The following EDARADD variants were observed in gnomAD, a reference collection of about 807,000 sequenced individuals.
EDARADD encodes the protein EDAR associated via death domain, also known as ectodysplasin-A receptor-associated adapter protein.
In EDARADD, 20 loss-of-function variants were observed where a neutral mutation model predicts 25.6. The observed-to-expected ratio is 0.78, with a 90% CI of 0.55 to 1.14. The LOEUF is 1.14. EDARADD is among the 50% of genes most tolerant of loss of function. The probability of loss-of-function intolerance (pLI) is 0.00; values close to 1 mark genes in which losing one functional copy is unlikely to be tolerated. For missense variants in EDARADD, 225 were observed against 270.1 expected, an observed-to-expected ratio of 0.83 and a Z score of 1.17; for synonymous variants, 86 against 94.4, an observed-to-expected ratio of 0.91 and a Z score of 0.52.
chr1:236,436,832 T>A (rs1658268063), intron 4 of EDARADD, among the ~76,000 whole-genome samples: 1 of 152,104 alleles, frequency 6.6e-6, no homozygotes, highest in Non-Finnish European at 1.5e-5. Context: ...GGAGCAGAGT[T>A]ATTAGGGGGC....
rs1415805260 is a variant in EDARADD, at chr1:236,445,231, A to ATTATTTTTTTTTTTTTTTTTTT, written c.219+17783_219+17784insATTTTTTTTTTTTTTTTTTTTT. 1.1e-4 allele frequency among the ~76,000 whole-genome samples: 5 copies of ATTATTTTTTTTTTTTTTTTTTT among 47,316 alleles called. 2 individuals carry two copies. Among genetic ancestry groups the ATTATTTTTTTTTTTTTTTTTTT allele is most frequent in the Non-Finnish European group, 2.7e-4 (4 of 14,690 alleles). The allele number at this position is 47,316 out of a possible 152,430, so 31.0% of individuals were successfully genotyped here. On this transcript the variant is annotated intron_variant, in intron 4 of 5. Coordinates refer to ENST00000334232, the MANE Select transcript of EDARADD (RefSeq NM_145861.4). ...TATTGCATTAGCTGGGACATAATAA[A>ATTATTTTTTTTTTTTTTTTTTT]TTCTTTTTTTTTTTGAGACAGAGTC... is the stretch of plus-strand genomic sequence containing the variant.
chr1:236,350,380 C>A (rs948368534), intron 2 of EDARADD, among the ~76,000 whole-genome samples: 1 of 152,136 alleles, frequency 6.6e-6, no homozygotes, highest in Non-Finnish European at 1.5e-5. Flanking sequence ...AAGATTAAAA[C>A]AAAAAATCAG....
intron 4 of EDARADD, among the ~76,000 whole-genome samples, chr1:236,442,824 A>G (rs651727): frequency 6.6e-6 from 1 of 152,152 alleles, no homozygotes. Flanking sequence ...TGTTGTTTTC[A>G]TGCCTGCTAA....
chr1:236,355,336 C>A lies in EDARADD; in HGVS notation c.-6+4497C>A, dbSNP rs184541655. Among the ~76,000 whole-genome samples the A allele has an allele frequency of 1.5e-3, 221 of 152,020 alleles. 1 individual carries two copies. The highest frequency in any genetic ancestry group is 5.1e-3 in the African/African-American group (213 of 41,484). On this transcript the variant is annotated intron_variant, in intron 3 of 7. Transcript: ENST00000439430. The stretch of plus-strand genomic sequence containing the variant: ...ACTTCTTTTTCTGTCACTCTTTTAT[C>A]CTAGATTAAGACATGTTCAAACCAT...
chr1:236,472,768 G>A (rs546896169), intron 5 of EDARADD, among the ~76,000 whole-genome samples: 1 of 152,298 alleles, frequency 6.6e-6, no homozygotes, highest in South Asian at 2.1e-4. Flanking sequence ...CCTTGTGAGA[G>A]AGGTGTCATT....
At chr1:236,454,714 G>A (rs1658808982) in intron 4 of EDARADD, among the ~76,000 whole-genome samples, 1 of 152,178 alleles carries the variant, frequency 6.6e-6, no homozygotes, top group East Asian at 1.9e-4. Context: ...TTGGCCCGGG[G>A]CCTGGCCCAG....
At chr1:236,357,750 A>G (rs1419088820) in intron 3 of EDARADD, among the ~76,000 whole-genome samples, 1 of 151,920 alleles carries the variant, frequency 6.6e-6, no homozygotes, top group Non-Finnish European at 1.5e-5. Context: ...GATCTGCCCC[A>G]GTGACCTAAA....
At chr1:236,423,094 C>G (rs1657822772) in intron 3 of EDARADD, among the ~76,000 whole-genome samples, 1 of 152,174 alleles carries the variant, frequency 6.6e-6, no homozygotes, top group Admixed American at 6.5e-5. Flanking sequence ...GAGGAGGTTG[C>G]TGAAGCTCCA....
At chr1:236,367,773 A>G (rs1016408644) in intron 3 of EDARADD, among the ~76,000 whole-genome samples, 3 of 152,190 alleles carry the variant, frequency 2.0e-5, no homozygotes, top group Non-Finnish European at 4.4e-5. Context: ...TATACATTTC[A>G]TAACTGACTC....
intron 3 of EDARADD, among the ~76,000 whole-genome samples, chr1:236,377,794 G>C (rs910392984): frequency 4.0e-5 from 6 of 151,772 alleles, no homozygotes; most frequent in Admixed American, 2.0e-4. Context: ...GGAGGCAGAG[G>C]TTGCAGTGAG....
Position 236,395,542 on chromosome 1 carries a change from C to T in EDARADD, c.61+1037C>T. On this transcript the variant is annotated intron_variant, in intron 1 of 5. Coordinates refer to ENST00000334232, the MANE Select transcript of EDARADD (RefSeq NM_145861.4). This position sits in a 1 kb window ranked among gnomAD's most constrained non-coding sequence, Gnocchi z 6.9. ...CTCCAGGCGCGTCGGAACCGCAGGACTTTTCATCCCCGTGGTCCCACGGTC... is the reference window on the plus strand; with the variant it reads ...CTCCAGGCGCGTCGGAACCGCAGGATTTTTCATCCCCGTGGTCCCACGGTC... 1 of 1,538,254 alleles carries T rather than the reference C, an allele frequency of 6.5e-7. No homozygotes were observed. Among genetic ancestry groups the T allele is most frequent in the Non-Finnish European group, 8.7e-7 (1 of 1,145,892 alleles).
chr1:236,464,128 C>T (rs1443288478), intron 4 of EDARADD, among the ~76,000 whole-genome samples: 2 of 152,210 alleles, frequency 1.3e-5, no homozygotes, highest in African/African-American at 4.8e-5. Context: ...CATGGCCTCA[C>T]TGCCCACCTG....
chr1:236,423,931 C>A (rs2103014684), intron 3 of EDARADD, among the ~76,000 whole-genome samples: 1 of 152,030 alleles, frequency 6.6e-6, no homozygotes, highest in South Asian at 2.1e-4. Context: ...CATGGTGAAA[C>A]CCTGTCTCTA....
At chr1:236,432,506 G>C (rs1048373827) in intron 4 of EDARADD, among the ~76,000 whole-genome samples, 5 of 152,148 alleles carry the variant, frequency 3.3e-5, no homozygotes, top group African/African-American at 1.2e-4. Context: ...CTAAGTTGGA[G>C]TTAGAAGTTA....
chr1:236,454,640 T>A (rs1005323463), intron 4 of EDARADD, among the ~76,000 whole-genome samples: 3 of 152,150 alleles, frequency 2.0e-5, no homozygotes, highest in Admixed American at 6.6e-5. Context: ...ACCTTAGAAA[T>A]CACATTGTTC....
Position 236,483,299 on chromosome 1 carries a change from G to T in EDARADD, c.*650G>T. ...GTGGTGCTTCAACTGGTATCTATGA[G>T]GTCCTAGAGCTCCAGGACAATGATA... is the stretch of plus-strand genomic sequence containing the variant. On this transcript the variant is annotated 3_prime_UTR_variant, in exon 6 of 6. Coordinates refer to ENST00000334232, the MANE Select transcript of EDARADD (RefSeq NM_145861.4). The T allele has an allele frequency of 1.2e-6, 2 of 1,600,116 alleles. No individual in the cohort carries two copies. Among genetic ancestry groups the T allele is most frequent in the Non-Finnish European group, 1.7e-6 (2 of 1,169,904 alleles).
At chr1:236,447,935 A>G (rs1243308408) in intron 4 of EDARADD, among the ~76,000 whole-genome samples, 1 of 151,922 alleles carries the variant, frequency 6.6e-6, no homozygotes, top group East Asian at 1.9e-4. Flanking sequence ...TCCCAGGTTC[A>G]AGTGATTCTC....
intron 3 of EDARADD, among the ~76,000 whole-genome samples, chr1:236,379,501 A>G (rs73121295): frequency 0.11 from 16,738 of 150,844 alleles, 1,529 homozygotes; most frequent in East Asian, 0.31. Context: ...GGTCAGGGCC[A>G]GGTGCAATGG....
At chr1:236,414,469 A>G (rs74231681) in intron 3 of EDARADD, among the ~76,000 whole-genome samples, 170 bp downstream of exon 3, 1 of 144,582 alleles carries the variant, frequency 6.9e-6, no homozygotes, top group African/African-American at 2.6e-5. Flanking sequence ...TTTCTTTTTT[A>G]AATAGTATCT....
Sources: allele counts gnomAD v4.1 joint callset (sites outside exome capture counted in the v4.1 genomes callset), GRCh38; gene constraint gnomAD v4.1.1; non-coding constraint Gnocchi (gnomAD v3.1); transcripts MANE v1.5; gene names NCBI Gene and HGNC (gene_info 2026-07-23, HGNC 2026-07-21).